SCML4: variants seen among roughly 807,000 people sequenced by gnomAD.
SCML4 encodes sex comb on midleg-like protein 4.
SCML4 carries 34 observed loss-of-function variants against 41.1 expected under a neutral mutation model. The observed-to-expected ratio is 0.83, with a 90% CI of 0.63 to 1.10. The LOEUF (loss-of-function observed/expected upper bound fraction) is 1.10, where lower values mean the gene tolerates loss of function less well. SCML4 is among the 50% of genes least tolerant of loss of function. SCML4 has a pLI of 0.00. For missense variants in SCML4, 522 were observed against 534.1 expected, an observed-to-expected ratio of 0.98 and a Z score of 0.22; for synonymous variants, 214 against 220.9, an observed-to-expected ratio of 0.97 and a Z score of 0.28.
chr6:107,812,880 TACAC>T (rs141469245), intron 1 of SCML4, among the ~76,000 whole-genome samples: 173 of 141,452 alleles, frequency 1.2e-3, no homozygotes, highest in Admixed American at 4.7e-3. Context: ...CACAGACACA[TACAC>T]ACACACACAC....
chr6:107,720,642 C>T, intron 6 of SCML4, 61 bp downstream of exon 6: 1 of 1,457,950 alleles, frequency 6.9e-7, no homozygotes, highest in East Asian at 2.5e-5. Flanking sequence ...AGATGCTGTG[C>T]TCCCCGCGCA....
chr6:107,830,255 T>A, the SCML4 span, among the ~76,000 whole-genome samples: 13 of 152,308 alleles, frequency 8.5e-5, no homozygotes, highest in East Asian at 2.1e-3. Flanking sequence ...ACTCAAATTC[T>A]CTTGGGCCCA....
intron 2 of SCML4, among the ~76,000 whole-genome samples, chr6:107,751,418 A>C (rs1015556299): frequency 1.1e-4 from 16 of 152,080 alleles, no homozygotes; most frequent in Admixed American, 9.8e-4. Context: ...GTATGCCTGG[A>C]GGGTTTGTGC....
At chr6:107,809,025 A>G (rs1783956839) in intron 1 of SCML4, among the ~76,000 whole-genome samples, 1 of 137,136 alleles carries the variant, frequency 7.3e-6, no homozygotes, top group African/African-American at 2.8e-5. Flanking sequence ...ACAATGCAAC[A>G]GTATTTACAG....
intron 4 of SCML4, 166 bp downstream of exon 4, chr6:107,746,523 T>C (rs568410684): frequency 3.4e-6 from 2 of 586,354 alleles, no homozygotes; most frequent in African/African-American, 1.9e-5. Context: ...ATCCTCTCCC[T>C]GAGCCCTGAG....
chr6:107,845,494 T>G, the SCML4 span, among the ~76,000 whole-genome samples: 1 of 152,218 alleles, frequency 6.6e-6, no homozygotes, highest in African/African-American at 2.4e-5. Context: ...TACAGAATGA[T>G]TGCCTGGATT....
At chr6:107,804,259 G>GTGTGTGTGTC (rs1783551115) in intron 1 of SCML4, among the ~76,000 whole-genome samples, 1 of 151,752 alleles carries the variant, frequency 6.6e-6, no homozygotes, top group South Asian at 2.1e-4. Context: ...GTGTGTGTGT[G>GTGTGTGTGTC]TGCACAACTT....
At chr6:107,833,966 A>G in the SCML4 span, among the ~76,000 whole-genome samples, 1 of 152,336 alleles carries the variant, frequency 6.6e-6, no homozygotes, top group Admixed American at 6.5e-5. Context: ...AGTGCCTGGC[A>G]CATATATGAG....
chr6:107,832,131 C>T, the SCML4 span, among the ~76,000 whole-genome samples: 2 of 151,768 alleles, frequency 1.3e-5, no homozygotes, highest in Admixed American at 6.6e-5. Context: ...CCCAGCTACT[C>T]GGGAGGCTGA....
intron 5 of SCML4, among the ~76,000 whole-genome samples, chr6:107,723,614 A>G (rs555795927): frequency 6.6e-6 from 1 of 152,342 alleles, no homozygotes; most frequent in East Asian, 1.9e-4. Context: ...GAAAAAGACA[A>G]TCTGAGTAGA....
At chr6:107,714,938 C>G (rs1191845397) in intron 6 of SCML4, among the ~76,000 whole-genome samples, 4 of 149,450 alleles carry the variant, frequency 2.7e-5, no homozygotes, top group African/African-American at 9.9e-5. Flanking sequence ...TCCCAAACCT[C>G]CCAGCATGGT....
chr6:107,839,856 T>C, the SCML4 span, among the ~76,000 whole-genome samples: 2 of 152,230 alleles, frequency 1.3e-5, no homozygotes, highest in African/African-American at 2.4e-5. Flanking sequence ...CCTCCCAAAG[T>C]GTTGGGATTA....
chr6:107,835,771 A>G, the SCML4 span, among the ~76,000 whole-genome samples: 5 of 150,750 alleles, frequency 3.3e-5, no homozygotes, highest in Non-Finnish European at 5.9e-5. Context: ...CTCAAAAAAA[A>G]AAAAAAAAAA....
chr6:107,770,894 G>C (rs373341720), intron 2 of SCML4, among the ~76,000 whole-genome samples: 1 of 152,282 alleles, frequency 6.6e-6, no homozygotes, highest in African/African-American at 2.4e-5. Context: ...TAAACAGAAA[G>C]GCTGCCCTGC....
chr6:107,793,336 C>T (rs754060397), intron 1 of SCML4, among the ~76,000 whole-genome samples: 3 of 152,192 alleles, frequency 2.0e-5, no homozygotes, highest in African/African-American at 4.8e-5. Context: ...AAATGAGATA[C>T]CAGGTATCAC....
At chr6:107,802,615 G>A (rs1783248560) in intron 1 of SCML4, among the ~76,000 whole-genome samples, 4 of 142,784 alleles carry the variant, frequency 2.8e-5, no homozygotes, top group South Asian at 4.6e-4. Context: ...AGGAAGGAAG[G>A]AAGGAAGGAA....
intron 4 of SCML4, chr6:107,746,444 G>C (rs778105309): frequency 5.2e-5 from 23 of 440,870 alleles, no homozygotes; most frequent in Non-Finnish European, 9.1e-5. Flanking sequence ...GTTGGAAGTG[G>C]GAAGTGGGAG....
At chr6:107,726,058 C>T (rs1412597613) in intron 5 of SCML4, among the ~76,000 whole-genome samples, 1 of 121,764 alleles carries the variant, frequency 8.2e-6, no homozygotes, top group Non-Finnish European at 1.6e-5. Flanking sequence ...GCCTGAGCAA[C>T]GGAGCAAGAC....
the SCML4 span, among the ~76,000 whole-genome samples, chr6:107,844,173 A>G: frequency 6.6e-6 from 1 of 152,330 alleles, no homozygotes; most frequent in African/African-American, 2.4e-5. Context: ...ATGATGGGAA[A>G]CAGACATGAA....
Sources: gnomAD v4.1 joint callset for allele counts (sites outside exome capture counted in the v4.1 genomes callset) on GRCh38, gnomAD v4.1.1 for gene constraint, MANE v1.5 for transcripts, NCBI Gene and HGNC (gene_info 2026-07-23, HGNC 2026-07-21) for gene names.